The following EPC2 variants were observed in gnomAD, a reference collection of about 807,000 sequenced individuals.
EPC2 encodes the protein enhancer of polycomb 2, also known as enhancer of polycomb homolog 2.
In EPC2, 14 loss-of-function variants were observed where a neutral mutation model predicts 92.1. That is an observed-to-expected ratio of 0.15 (90% confidence interval 0.10 to 0.24). The LOEUF is 0.24. Ranked by LOEUF, EPC2 falls within the 10% of genes least tolerant of loss-of-function variation. The probability of loss-of-function intolerance (pLI) is 1.00; values close to 1 mark genes in which losing one functional copy is unlikely to be tolerated. For missense variants in EPC2, 755 were observed against 971.5 expected (o/e 0.78, Z 2.96); for synonymous variants, 340 against 334.7 (o/e 1.02, Z -0.17).
intron 1 of EPC2, among the ~76,000 whole-genome samples, chr2:148,684,413 C>T (rs1382960568): frequency 6.6e-6 from 1 of 152,204 alleles, no homozygotes; most frequent in Admixed American, 6.5e-5. Context: ...TGGTCATGAA[C>T]TCGTTGCCTA....
At chr2:148,718,786 T>A (rs1682306266) in intron 2 of EPC2, among the ~76,000 whole-genome samples, 1 of 152,220 alleles carries the variant, frequency 6.6e-6, no homozygotes, top group South Asian at 2.1e-4. Flanking sequence ...TGTTGGCCTG[T>A]CTTGGTAAGT....
At chr2:148,726,314 A>G (rs897729966) in intron 2 of EPC2, among the ~76,000 whole-genome samples, 13 of 152,220 alleles carry the variant, frequency 8.5e-5, no homozygotes, top group African/African-American at 2.9e-4. Flanking sequence ...ATATACACAG[A>G]AGTGAGATTG....
intron 6 of EPC2, 25 bp downstream of exon 6, chr2:148,762,827 T>A: frequency 6.3e-7 from 1 of 1,583,984 alleles, no homozygotes; most frequent in Non-Finnish European, 8.6e-7. Context: ...GGAAGAAGCA[T>A]GTATGGATGG....
chr2:148,760,059 A>G (rs1011622102), intron 4 of EPC2, among the ~76,000 whole-genome samples: 1 of 152,160 alleles, frequency 6.6e-6, no homozygotes, highest in African/African-American at 2.4e-5. Flanking sequence ...CCTGCTCAAC[A>G]TGGTGAAATC....
In EPC2 at chr2:148,736,199, C is replaced by T. The variant is rs564692440; in HGVS notation, c.314-7423C>T. Among the ~76,000 whole-genome samples the T allele has an allele frequency of 3.9e-5, 6 of 152,162 alleles. 1 individual carries two copies. The South Asian group carries it at 1.2e-3, about 32-fold the overall frequency. ...ATGGAGACTGATTTTTTAGTACTCT[C>T]CAGAAATGATTATGAGGATGTTTAT... On this transcript the variant is annotated intron_variant, in intron 2 of 13. Transcript: ENST00000258484.
At chr2:148,685,214 A>C (rs1681489803) in intron 1 of EPC2, among the ~76,000 whole-genome samples, 1 of 148,964 alleles carries the variant, frequency 6.7e-6, no homozygotes, top group African/African-American at 2.5e-5. Context: ...TTTATTGAAC[A>C]AAAATTTTTA....
intron 1 of EPC2, among the ~76,000 whole-genome samples, chr2:148,650,959 A>G (rs921456504): frequency 1.3e-5 from 2 of 152,226 alleles, no homozygotes; most frequent in African/African-American, 2.4e-5. Context: ...TCAATTTCAT[A>G]GAACTTAAAT....
chr2:148,647,156 C>G (rs1683820622), intron 1 of EPC2, among the ~76,000 whole-genome samples: 1 of 152,174 alleles, frequency 6.6e-6, no homozygotes. Flanking sequence ...GAACAGTTAA[C>G]TCCTGGAAGG....
chr2:148,656,948 G>A (rs1187423184), intron 1 of EPC2, among the ~76,000 whole-genome samples: 1 of 152,120 alleles, frequency 6.6e-6, no homozygotes, highest in Non-Finnish European at 1.5e-5. Context: ...TATTGAATTA[G>A]TTTTTACAGA....
At chr2:148,773,051 A>G (rs567165309) in intron 10 of EPC2, among the ~76,000 whole-genome samples, 6 of 152,238 alleles carry the variant, frequency 3.9e-5, no homozygotes, top group Non-Finnish European at 8.8e-5. Flanking sequence ...ATTGTCAGAT[A>G]TTTGCAGCTT....
intron 1 of EPC2, among the ~76,000 whole-genome samples, chr2:148,685,959 T>A (rs1681511386): frequency 6.6e-6 from 1 of 152,190 alleles, no homozygotes; most frequent in Non-Finnish European, 1.5e-5. Context: ...CTTGCCTTGA[T>A]GTTAATGGCT....
chr2:148,704,591 C>A (rs774691732), intron 2 of EPC2, among the ~76,000 whole-genome samples: 6 of 152,286 alleles, frequency 3.9e-5, no homozygotes, highest in Non-Finnish European at 7.4e-5. Flanking sequence ...ATTTGAGAAT[C>A]CCTGTTCTTG....
intron 1 of EPC2, among the ~76,000 whole-genome samples, chr2:148,664,054 A>G (rs1044600917): frequency 6.6e-6 from 1 of 152,144 alleles, no homozygotes; most frequent in Non-Finnish European, 1.5e-5. Flanking sequence ...TGAGTCACCT[A>G]CTACCCAATT....
chr2:148,645,257 C>G (rs1683770162), intron 1 of EPC2, 87 bp downstream of exon 1: 2 of 1,211,192 alleles, frequency 1.7e-6, no homozygotes, highest in Non-Finnish European at 2.3e-6. Flanking sequence ...GAGCGCTTTA[C>G]GCTCGCTGGA....
intron 4 of EPC2, among the ~76,000 whole-genome samples, chr2:148,756,305 C>T (rs1683189600): frequency 6.6e-6 from 1 of 152,264 alleles, no homozygotes; most frequent in Non-Finnish European, 1.5e-5. Flanking sequence ...GGACCAAAGA[C>T]GATTCCCTAT....
chr2:148,770,712 A>C, intron 8 of EPC2, 80 bp from the exon 9 acceptor site: 1 of 1,401,420 alleles, frequency 7.1e-7, no homozygotes, highest in East Asian at 2.5e-5. Flanking sequence ...CAGTTACTTC[A>C]TGTTTATCAT....
chr2:148,674,082 C>T (rs1681208011), intron 1 of EPC2, among the ~76,000 whole-genome samples: 1 of 152,126 alleles, frequency 6.6e-6, no homozygotes, highest in South Asian at 2.1e-4. Context: ...TTTGAAAAAA[C>T]AGGCATCTCT....
intron 10 of EPC2, among the ~76,000 whole-genome samples, chr2:148,774,533 T>G (rs1683585016): frequency 6.6e-6 from 1 of 150,842 alleles, no homozygotes; most frequent in Non-Finnish European, 1.5e-5. Flanking sequence ...GAGGATCTCT[T>G]GAGCTCAGGA....
chr2:148,673,643 G>A (rs1046900636), intron 1 of EPC2, among the ~76,000 whole-genome samples: 3 of 152,104 alleles, frequency 2.0e-5, no homozygotes, highest in Non-Finnish European at 4.4e-5. Flanking sequence ...GAGTGCAGTG[G>A]TGCGATCTCG....
Sources: gnomAD v4.1 joint callset for allele counts (sites outside exome capture counted in the v4.1 genomes callset) on GRCh38, gnomAD v4.1.1 for gene constraint, MANE v1.5 for transcripts, NCBI Gene and HGNC (gene_info 2026-07-23, HGNC 2026-07-21) for gene names.